Variants in MDGA2 observed in about 807,000 individuals in gnomAD.
The protein encoded by MDGA2 is MAM domain containing glycosylphosphatidylinositol anchor 2, also known as MAM domain-containing glycosylphosphatidylinositol anchor protein 2.
In MDGA2, 40 loss-of-function variants were observed where a neutral mutation model predicts 117.8. The observed-to-expected ratio is 0.34, with a 90% CI of 0.26 to 0.44. The LOEUF is 0.44. Ranked by LOEUF, MDGA2 falls within the 20% of genes least tolerant of loss-of-function variation. The pLI, the probability that MDGA2 is intolerant of heterozygous loss-of-function variation, is 1.00. For synonymous variants in MDGA2, 452 were observed against 439.0 expected (o/e 1.03, Z -0.37); for missense variants, 1,123 against 1,250.6 (o/e 0.90, Z 1.54).
intron 2 of MDGA2, among the ~76,000 whole-genome samples, chr14:47,222,395 A>G (rs1225003610): frequency 1.3e-5 from 2 of 152,102 alleles, no homozygotes; most frequent in Non-Finnish European, 2.9e-5. Flanking sequence ...AAGCATAAAT[A>G]TATTACTTGT....
rs540463305 is a variant in MDGA2, at chr14:46,969,871, C to T, written c.1820-12228G>A. Among the ~76,000 whole-genome samples, 609 of 148,670 alleles carry T rather than the reference C, an allele frequency of 4.1e-3. 8 individuals are homozygous for T. The highest frequency in any genetic ancestry group is 0.014 in the African/African-American group (584 of 40,334). The stretch of plus-strand genomic sequence containing the variant: ...ATGGGTGCAGCACACCAACATGGCA[C>T]ATGTATACCTATGTTAAAAACCTGC... On this transcript the variant is annotated intron_variant, in intron 8 of 16. Transcript: ENST00000399232.
At chr14:47,418,116 G>A (rs904252436) in intron 1 of MDGA2, among the ~76,000 whole-genome samples, 34 of 151,842 alleles carry the variant, frequency 2.2e-4, no homozygotes, top group African/African-American at 5.8e-4. Flanking sequence ...TTGCTGTGTC[G>A]CCCAGGCTGG....
intron 9 of MDGA2, among the ~76,000 whole-genome samples, chr14:46,949,261 A>T (rs1885283541): frequency 1.3e-5 from 2 of 152,034 alleles, no homozygotes; most frequent in Non-Finnish European, 1.5e-5. Flanking sequence ...AAACACAGTC[A>T]TACCCACAGT....
At chr14:47,305,649 G>T (rs72683803) in intron 1 of MDGA2, among the ~76,000 whole-genome samples, 22 of 152,168 alleles carry the variant, frequency 1.4e-4, no homozygotes, top group African/African-American at 4.8e-4. Flanking sequence ...ACTTTCAAGC[G>T]TATATTTATT....
intron 3 of MDGA2, among the ~76,000 whole-genome samples, chr14:47,184,094 ATG>A (rs967358798): frequency 6.6e-6 from 1 of 151,818 alleles, no homozygotes; most frequent in Non-Finnish European, 1.5e-5. Context: ...TTTAAAATCT[ATG>A]TGTGTGTATG....
intron 8 of MDGA2, among the ~76,000 whole-genome samples, chr14:47,022,121 A>G (rs1888307680): frequency 6.6e-6 from 1 of 152,098 alleles, no homozygotes; most frequent in Non-Finnish European, 1.5e-5. Context: ...GTTTCACTCT[A>G]TCTCCCAGAC....
intron 5 of MDGA2, among the ~76,000 whole-genome samples, chr14:47,126,719 C>A (rs1881922787): frequency 6.6e-6 from 1 of 152,076 alleles, no homozygotes. Flanking sequence ...TTATTATCAT[C>A]CAAAGTAATT....
chr14:47,554,455 A>G (rs1257717403), intron 1 of MDGA2, among the ~76,000 whole-genome samples: 2 of 152,310 alleles, frequency 1.3e-5, no homozygotes, highest in African/African-American at 4.8e-5. Context: ...GGATGAATGA[A>G]TATCTGGTGG....
At chr14:47,569,414 C>T (rs1411832626) in intron 1 of MDGA2, among the ~76,000 whole-genome samples, 1 of 152,154 alleles carries the variant, frequency 6.6e-6, no homozygotes, top group Non-Finnish European at 1.5e-5. Flanking sequence ...TAATCTGGTC[C>T]AGTCAGGTTA....
At chr14:47,197,447 C>T (rs919354674) in intron 3 of MDGA2, among the ~76,000 whole-genome samples, 6 of 152,024 alleles carry the variant, frequency 3.9e-5, no homozygotes, top group Admixed American at 2.0e-4. Context: ...TCTTCCAGCA[C>T]CCTGATCTGG....
At position 47,633,247 on chromosome 14, in the gene MDGA2, C is replaced by G. The variant is rs188570401; in HGVS notation, c.280+41270G>C. On this transcript the variant is annotated intron_variant, in intron 1 of 16. Coordinates refer to ENST00000399232, the MANE Select transcript of MDGA2 (RefSeq NM_001113498.3). ...ATATTGAAGCTCTTAAGGGTCAGGA[C>G]TATGCCCATTTTATTTGCTGCTGAA... Among the ~76,000 whole-genome samples the G allele has an allele frequency of 9.9e-4, 150 of 152,186 alleles. 1 individual carries two copies. Among genetic ancestry groups the G allele is most frequent in the African/African-American group, 3.4e-3 (141 of 41,504 alleles).
At chr14:47,352,371 G>C (rs1365175108) in intron 1 of MDGA2, among the ~76,000 whole-genome samples, 1 of 148,380 alleles carries the variant, frequency 6.7e-6, no homozygotes, top group African/African-American at 2.5e-5. Flanking sequence ...TTCCTTCCTA[G>C]GCATGGTTAG....
intron 1 of MDGA2, among the ~76,000 whole-genome samples, chr14:47,359,748 C>CAAAAAAAA (rs71448198): frequency 1.8e-5 from 2 of 110,772 alleles, no homozygotes; most frequent in African/African-American, 3.5e-5. Context: ...AAGACTGTCT[C>CAAAAAAAA]AAAAAAAAAA....
chr14:46,905,930 TGCATAGA>T (rs1176688893), intron 10 of MDGA2, among the ~76,000 whole-genome samples: 1 of 152,082 alleles, frequency 6.6e-6, no homozygotes, highest in African/African-American at 2.4e-5. Flanking sequence ...TATGCATAGC[TGCATAGA>T]TAAAATTGTT....
chr14:47,166,236 G>T lies in MDGA2; in HGVS notation c.596-21962C>A, dbSNP rs139498179. ...TTTTTAGTAGAGATAGGGTTTTACCGTGTTAGCCAGGATGGTATTGATCTC... is the reference window on the plus strand; with the variant it reads ...TTTTTAGTAGAGATAGGGTTTTACCTTGTTAGCCAGGATGGTATTGATCTC... On this transcript the variant is annotated intron_variant, in intron 3 of 16. Coordinates refer to ENST00000399232, the MANE Select transcript of MDGA2 (RefSeq NM_001113498.3). Among the ~76,000 whole-genome samples the T allele has an allele frequency of 9.2e-5, 14 of 151,974 alleles. No individual in the cohort carries two copies. In the East Asian group the frequency reaches 1.9e-3, roughly 21 times the overall value.
In MDGA2 at chr14:47,600,723, T is replaced by TAAAAAA. The variant is rs377627666; in HGVS notation, c.280+73788_280+73793dup. ...GTTGTGTCTTTTCTCATCGGATCAT[T>TAAAAAA]AAAAAAAAAAAAAGTAGGGAAGAGT... is the stretch of plus-strand genomic sequence containing the variant. On this transcript the variant is annotated intron_variant, in intron 1 of 16. Transcript: ENST00000399232. Among the ~76,000 whole-genome samples the TAAAAAA allele has an allele frequency of 3.1e-4, 44 of 140,092 alleles. 1 individual carries two copies. The South Asian group carries it at 6.9e-3, about 22-fold the overall frequency. The allele number at this position is 140,092 out of a possible 152,430, so 91.9% of individuals were successfully genotyped here. A position where few individuals can be genotyped will look rare whatever the true frequency, so the allele number is the denominator to read the frequency against.
intron 1 of MDGA2, among the ~76,000 whole-genome samples, chr14:47,508,132 T>C (rs576404274): frequency 1.3e-5 from 2 of 152,352 alleles, no homozygotes; most frequent in African/African-American, 4.8e-5. Flanking sequence ...GATAGCTACT[T>C]TTCAACAAGG....
rs1882600136 is a variant in MDGA2, at chr14:46,884,691, T to C, written c.2239-2470A>G. Among the ~76,000 whole-genome samples the C allele has an allele frequency of 6.6e-6, 1 of 152,124 alleles. No individual in the cohort carries two copies. The highest frequency in any genetic ancestry group is 6.6e-5 in the Admixed American group (1 of 15,254). The stretch of plus-strand genomic sequence containing the variant: ...AAAATATATACCATTCAATTGGTTA[T>C]GCATATGGAAAAAAACCACTTGAAT... On this transcript the variant is annotated intron_variant, in intron 10 of 16. Coordinates refer to ENST00000399232, the MANE Select transcript of MDGA2 (RefSeq NM_001113498.3). The surrounding 1 kb of genome is among the most constrained non-coding windows in gnomAD (Gnocchi z 4.1).
intron 5 of MDGA2, among the ~76,000 whole-genome samples, chr14:47,103,507 G>A (rs1880458659): frequency 1.3e-5 from 2 of 152,152 alleles, no homozygotes; most frequent in South Asian, 4.1e-4. Context: ...ATCATGCTGG[G>A]AAATTCTATT....
Sources: gnomAD v4.1 joint callset for allele counts (sites outside exome capture counted in the v4.1 genomes callset) on GRCh38, gnomAD v4.1.1 for gene constraint, Gnocchi (gnomAD v3.1) non-coding constraint, MANE v1.5 for transcripts, NCBI Gene and HGNC (gene_info 2026-07-23, HGNC 2026-07-21) for gene names.